Variants in CCDC169 observed in about 807,000 individuals in gnomAD.
The protein encoded by CCDC169 is coiled-coil domain containing 169, also known as coiled-coil domain-containing protein 169.
In CCDC169, 30 loss-of-function variants were observed where a neutral mutation model predicts 36.0. The observed-to-expected ratio is 0.83, with a 90% CI of 0.62 to 1.13. The LOEUF is 1.13. CCDC169 is among the 50% of genes most tolerant of loss of function. The pLI is 0.00. For missense variants in CCDC169, 245 were observed against 245.9 expected (o/e 1.00, Z 0.03); for synonymous variants, 85 against 81.5 (o/e 1.04, Z -0.23).
At chr13:36,249,836 T>C (rs1872928810) in intron 6 of CCDC169, among the ~76,000 whole-genome samples, 1 of 152,084 alleles carries the variant, frequency 6.6e-6, no homozygotes, top group African/African-American at 2.4e-5. Flanking sequence ...AATCTGAAAA[T>C]AAAAAGGAGG....
chr13:36,272,903 T>G (rs897111956), intron 4 of CCDC169, among the ~76,000 whole-genome samples: 2 of 152,194 alleles, frequency 1.3e-5, no homozygotes, highest in African/African-American at 4.8e-5. Flanking sequence ...CTGTTCCATG[T>G]GTTCATCTTC....
At chr13:36,289,263 G>T (rs9531718) in intron 2 of CCDC169, among the ~76,000 whole-genome samples, 38,477 of 152,072 alleles carry the variant, frequency 0.25, 5,148 homozygotes, top group East Asian at 0.49. Context: ...GAAGGTCTGA[G>T]ATGACAGCTC....
At chr13:36,259,905 C>A (rs373534025) in intron 4 of CCDC169, among the ~76,000 whole-genome samples, 109 of 152,270 alleles carry the variant, frequency 7.2e-4, no homozygotes, top group African/African-American at 2.5e-3. Context: ...AGGGACTGGG[C>A]GCAGGGAGGG....
intron 7 of CCDC169, among the ~76,000 whole-genome samples, chr13:36,248,399 C>T (rs1191153782): frequency 3.3e-5 from 5 of 151,538 alleles, no homozygotes; most frequent in Admixed American, 6.6e-5. Flanking sequence ...TGCTTGAGGA[C>T]CAAAAATGTA....
chr13:36,226,742 C>G (rs973574612), downstream of CCDC169: 5 of 178,300 alleles, frequency 2.8e-5, no homozygotes, highest in African/African-American at 9.4e-5. Flanking sequence ...TAGCCAAACA[C>G]TGGGTACTCA....
intron 4 of CCDC169, among the ~76,000 whole-genome samples, chr13:36,268,647 A>AT (rs1875640108): frequency 7.1e-6 from 1 of 140,510 alleles, no homozygotes; most frequent in Non-Finnish European, 1.6e-5. Context: ...TGAAATTCAA[A>AT]CAAAAAAACC....
At chr13:36,295,883 T>C (rs1285900541) in intron 1 of CCDC169, 26 bp from the exon 2 acceptor site, 1 of 1,323,602 alleles carries the variant, frequency 7.6e-7, no homozygotes, top group East Asian at 2.5e-5. Context: ...TTTTTGTTGA[T>C]TATAATTCAA....
At chr13:36,294,372 C>T (rs541654334) in intron 2 of CCDC169, among the ~76,000 whole-genome samples, 1 of 152,306 alleles carries the variant, frequency 6.6e-6, no homozygotes, top group South Asian at 2.1e-4. Flanking sequence ...GATAAGTACA[C>T]TGAGAGCCTG....
At chr13:36,289,569 T>G (rs1878627413) in intron 2 of CCDC169, among the ~76,000 whole-genome samples, 1 of 152,258 alleles carries the variant, frequency 6.6e-6, no homozygotes, top group African/African-American at 2.4e-5. Context: ...ACTTCCAGGT[T>G]GTCTAAATAG....
chr13:36,265,202 C>T (rs1240441212), intron 4 of CCDC169, among the ~76,000 whole-genome samples: 1 of 152,138 alleles, frequency 6.6e-6, no homozygotes, highest in African/African-American at 2.4e-5. Context: ...ATCCAGATTT[C>T]AGGGTAGGAG....
chr13:36,252,670 A>T (rs1421731874), intron 6 of CCDC169, among the ~76,000 whole-genome samples: 1 of 152,174 alleles, frequency 6.6e-6, no homozygotes, highest in African/African-American at 2.4e-5. Flanking sequence ...TATTCTCCCC[A>T]AAGCATTTCA....
chr13:36,267,401 A>G (rs1036423249), intron 4 of CCDC169: 3 of 152,234 alleles, frequency 2.0e-5, no homozygotes, highest in Admixed American at 1.3e-4. Flanking sequence ...TTTCAGACAA[A>G]CAAATGCTGA....
At chr13:36,282,582 T>C (rs1877669951) in intron 4 of CCDC169, 1 of 980,280 alleles carries the variant, frequency 1.0e-6, no homozygotes, top group African/African-American at 1.7e-5. Context: ...TTCTCTTTCC[T>C]TTCTGCTTGG....
At chr13:36,252,705 TATA>T (rs1359570252) in intron 6 of CCDC169, among the ~76,000 whole-genome samples, 2 of 152,308 alleles carry the variant, frequency 1.3e-5, no homozygotes, top group East Asian at 3.9e-4. Context: ...TCACTTTTTA[TATA>T]ATAATTTTGA....
At chr13:36,272,496 G>A (rs1876227203) in intron 4 of CCDC169, among the ~76,000 whole-genome samples, 1 of 152,068 alleles carries the variant, frequency 6.6e-6, no homozygotes, top group Non-Finnish European at 1.5e-5. Flanking sequence ...AGTCTGTGAG[G>A]TTCATTGTTG....
intron 1 of CCDC169, 28 bp downstream of exon 1, chr13:36,297,609 C>G (rs1336207133): frequency 6.5e-7 from 1 of 1,544,180 alleles, no homozygotes; most frequent in Admixed American, 2.0e-5. Context: ...GTGGACGGGA[C>G]CCCACACCGC....
At chr13:36,237,458 A>C (rs1431115305) in intron 7 of CCDC169, among the ~76,000 whole-genome samples, 1 of 152,192 alleles carries the variant, frequency 6.6e-6, no homozygotes, top group African/African-American at 2.4e-5. Flanking sequence ...AAGAGAATTA[A>C]AAATATTTGC....
rs1872057617 is a variant in CCDC169 at position 36,243,134 on chromosome 13, T to C, written c.545+5472A>G. Among the ~76,000 whole-genome samples, 11 of 152,312 alleles carry C rather than the reference T, an allele frequency of 7.2e-5. No individual in the cohort carries two copies. In the South Asian group the frequency reaches 2.3e-3, roughly 32 times the overall value. ...GGTACATGGGACTGCAGCTGCGCTA[T>C]AGCCCTACTCCCTCTGCCCAAACCT... On this transcript the variant is annotated intron_variant, in intron 7 of 7. Transcript: ENST00000239859.
intron 7 of CCDC169, among the ~76,000 whole-genome samples, chr13:36,235,030 C>G (rs1870910068): frequency 6.6e-6 from 1 of 151,776 alleles, no homozygotes; most frequent in South Asian, 2.1e-4. Context: ...TTGATGGAAA[C>G]AAAATGTATA....
Sources: allele counts gnomAD v4.1 joint callset (sites outside exome capture counted in the v4.1 genomes callset), GRCh38; gene constraint gnomAD v4.1.1; transcripts MANE v1.5; gene names NCBI Gene and HGNC (gene_info 2026-07-23, HGNC 2026-07-21).